COG5: variants seen among roughly 807,000 people sequenced by gnomAD.
COG5 encodes the protein conserved oligomeric Golgi complex subunit 5.
A neutral mutation model predicts 110.4 loss-of-function variants in COG5; 86 were observed. The observed-to-expected ratio is 0.78, with a 90% CI of 0.65 to 0.93. The LOEUF (loss-of-function observed/expected upper bound fraction) is 0.93. Ranked by LOEUF, COG5 falls within the 40% of genes least tolerant of loss-of-function variation. The probability of loss-of-function intolerance (pLI) is 0.00; values close to 1 mark genes in which losing one functional copy is unlikely to be tolerated. For missense variants in COG5, 1,077 were observed against 987.0 expected (o/e 1.09, Z -1.22); for synonymous variants, 360 against 334.6 (o/e 1.08, Z -0.83).
At chr7:107,241,450 T>A (rs1451149722) in intron 17 of COG5, among the ~76,000 whole-genome samples, 2 of 146,602 alleles carry the variant, frequency 1.4e-5, no homozygotes, top group Admixed American at 6.9e-5. Context: ...ATATTTATTT[T>A]TTATTTATTT....
intron 6 of COG5, among the ~76,000 whole-genome samples, chr7:107,465,357 A>T (rs1796236894): frequency 6.6e-6 from 1 of 152,194 alleles, no homozygotes; most frequent in African/African-American, 2.4e-5. Flanking sequence ...TGCTACTTCA[A>T]CAGTACTGAA....
intron 21 of COG5, chr7:107,210,035 G>A: frequency 2.0e-6 from 2 of 1,023,890 alleles, no homozygotes; most frequent in Non-Finnish European, 2.3e-6. Flanking sequence ...ACATGCGTAT[G>A]TATGTGAATG....
At chr7:107,533,074 A>G (rs966663611) in intron 5 of COG5, among the ~76,000 whole-genome samples, 10 of 148,074 alleles carry the variant, frequency 6.8e-5, no homozygotes, top group Admixed American at 5.3e-4. Context: ...GCAGACCTGC[A>G]GCAGAGGGGC....
chr7:107,439,933 G>C (rs1187567391), intron 6 of COG5, among the ~76,000 whole-genome samples: 1 of 152,170 alleles, frequency 6.6e-6, no homozygotes, highest in Admixed American at 6.5e-5. Context: ...AGAAGGAGCT[G>C]AGCCTCTTGG....
intron 7 of COG5, among the ~76,000 whole-genome samples, chr7:107,397,738 C>T (rs769507766): frequency 1.3e-4 from 20 of 152,100 alleles, no homozygotes; most frequent in South Asian, 6.2e-4. Context: ...ACAAAATAAT[C>T]GCAGCTAGTA....
intron 11 of COG5, among the ~76,000 whole-genome samples, chr7:107,304,260 T>C (rs903442670): frequency 1.3e-5 from 2 of 152,204 alleles, no homozygotes; most frequent in African/African-American, 2.4e-5. Context: ...AAATAGTCTA[T>C]GTGCTCAATT....
At chr7:107,364,671 AAGG>A (rs1813437887) in intron 8 of COG5, among the ~76,000 whole-genome samples, 1 of 152,176 alleles carries the variant, frequency 6.6e-6, no homozygotes, top group African/African-American at 2.4e-5. Flanking sequence ...CCCTGCTTTT[AAGG>A]AGGACAAGAT....
At chr7:107,361,357 TA>T (rs1813097072) in intron 10 of COG5, among the ~76,000 whole-genome samples, 2 of 152,290 alleles carry the variant, frequency 1.3e-5, no homozygotes, top group South Asian at 4.1e-4. Flanking sequence ...TGACCTTCAG[TA>T]AACACATTAT....
At chr7:107,414,663 A>C (rs983455352) in intron 6 of COG5, among the ~76,000 whole-genome samples, 1 of 143,604 alleles carries the variant, frequency 7.0e-6, no homozygotes, top group Non-Finnish European at 1.5e-5. Context: ...CCATTTTGCA[A>C]TAGAAAATGT....
intron 19 of COG5, among the ~76,000 whole-genome samples, chr7:107,228,519 T>A (rs1800532987): frequency 6.6e-6 from 1 of 152,124 alleles, no homozygotes; most frequent in Non-Finnish European, 1.5e-5. Context: ...AAGTAACTTT[T>A]ATGGTACAAA....
chr7:107,399,055 A>G (rs1199820699), intron 7 of COG5, among the ~76,000 whole-genome samples: 2 of 152,096 alleles, frequency 1.3e-5, no homozygotes, highest in East Asian at 1.9e-4. Context: ...TATAAAAATT[A>G]GCTAGGTGTG....
chr7:107,307,676 G>T lies in COG5; in HGVS notation c.1109-9330C>A, dbSNP rs1469038552. Among the ~76,000 whole-genome samples the T allele has an allele frequency of 2.0e-5, 3 of 152,072 alleles. No individual in the cohort carries two copies. In the East Asian group the frequency reaches 5.8e-4, roughly 29 times the overall value. ...ACTCAGGAATGGAAAATCAAATATT[G>T]TATGTTCTCACTTATAAGTGGGAGC... is the stretch of plus-strand genomic sequence containing the variant. On this transcript the variant is annotated intron_variant, in intron 11 of 21. Coordinates refer to ENST00000297135, the MANE Select transcript of COG5 (RefSeq NM_006348.5).
chr7:107,528,548 A>G (rs1800944929), intron 5 of COG5, among the ~76,000 whole-genome samples: 1 of 152,228 alleles, frequency 6.6e-6, no homozygotes. Flanking sequence ...ACTTTATTAC[A>G]GAAGCTGGAT....
chr7:107,519,930 A>G (rs1023113930), intron 6 of COG5, among the ~76,000 whole-genome samples: 2 of 152,244 alleles, frequency 1.3e-5, no homozygotes, highest in Non-Finnish European at 2.9e-5. Context: ...GCAGCACAGT[A>G]AAAAACTTAT....
At chr7:107,383,372 C>T (rs541664716) in intron 7 of COG5, among the ~76,000 whole-genome samples, 8 of 152,276 alleles carry the variant, frequency 5.3e-5, no homozygotes, top group African/African-American at 1.4e-4. Flanking sequence ...AAAGGCACAG[C>T]GCAGGTGAGC....
At chr7:107,329,820 A>C (rs1467600053) in intron 10 of COG5, among the ~76,000 whole-genome samples, 1 of 152,182 alleles carries the variant, frequency 6.6e-6, no homozygotes, top group Non-Finnish European at 1.5e-5. Flanking sequence ...GCTTTAGCTC[A>C]GGAGTTCAAG....
intron 6 of COG5, 66 bp downstream of exon 6, chr7:107,527,171 A>C (rs1195288190): frequency 1.4e-6 from 2 of 1,413,486 alleles, no homozygotes; most frequent in South Asian, 1.3e-5. Context: ...AAAGTCAACC[A>C]ATCAAGTGAC....
At chr7:107,497,989 T>C (rs1798386160) in intron 6 of COG5, among the ~76,000 whole-genome samples, 1 of 152,098 alleles carries the variant, frequency 6.6e-6, no homozygotes, top group African/African-American at 2.4e-5. Flanking sequence ...CATGCATATA[T>C]GATAAACCAA....
intron 6 of COG5, among the ~76,000 whole-genome samples, chr7:107,459,472 G>GT (rs537606587): frequency 8.9e-4 from 132 of 147,504 alleles, no homozygotes; most frequent in Non-Finnish European, 1.7e-3. Flanking sequence ...CTTTTTTTCA[G>GT]TAAAAAAAAA....
Sources: allele counts gnomAD v4.1 joint callset (sites outside exome capture counted in the v4.1 genomes callset), GRCh38; gene constraint gnomAD v4.1.1; transcripts MANE v1.5; gene names NCBI Gene and HGNC (gene_info 2026-07-23, HGNC 2026-07-21).